CDH18: variants seen among roughly 807,000 people sequenced by gnomAD.
CDH18 encodes cadherin-18.
In CDH18, 31 loss-of-function variants were observed where a neutral mutation model predicts 67.9. The observed-to-expected ratio is 0.46, with a 90% confidence interval of 0.34 to 0.62. The LOEUF is 0.62. CDH18 is among the 20% of genes least tolerant of loss of function. The pLI, the probability that CDH18 is intolerant of heterozygous loss-of-function variation, is 0.01. For synonymous variants in CDH18, 362 were observed against 347.2 expected (o/e 1.04, Z -0.48); for missense variants, 890 against 975.5 (o/e 0.91, Z 1.17).
At chr5:20,402,836 A>G (rs1375510195) in intron 1 of CDH18, among the ~76,000 whole-genome samples, 1 of 151,988 alleles carries the variant, frequency 6.6e-6, no homozygotes, top group East Asian at 1.9e-4. Flanking sequence ...TGAACCCGTG[A>G]GGCGGAGGTT....
At chr5:19,643,533 G>C (rs1029226911) in intron 5 of CDH18, among the ~76,000 whole-genome samples, 23 of 152,108 alleles carry the variant, frequency 1.5e-4, no homozygotes, top group African/African-American at 5.3e-4. Flanking sequence ...CAATAACGTG[G>C]ATGTACTTAG....
At position 20,526,716 on chromosome 5, in the gene CDH18, CA is replaced by C. The variant is rs764253096; in HGVS notation, c.-580+48745del. ...GAAAGCAAAAACAACAACAACACAA[CA>C]TCAACAAAAATGACCCCACGAAAAT... On this transcript the variant is annotated intron_variant, in intron 1 of 14. Transcript: ENST00000507958. 9.9e-5 allele frequency among the ~76,000 whole-genome samples: 15 copies of C among 152,178 alleles called. No individual in the cohort carries two copies. In the East Asian group the frequency reaches 2.7e-3, roughly 27 times the overall value.
In CDH18 at chr5:19,660,538, G is replaced by A. The variant is rs113775163; in HGVS notation, c.644-47937C>T. Among the ~76,000 whole-genome samples the A allele has an allele frequency of 8.5e-3, 1,292 of 152,192 alleles. 10 individuals are homozygous for A. Among genetic ancestry groups the A allele is most frequent in the African/African-American group, 0.019 (788 of 41,540 alleles). ...TCAAAGCCAATGTATATTATTTACA[G>A]TTTCTTTTACTTGGTTGTGCTTAAA... On this transcript the variant is annotated intron_variant, in intron 5 of 12. Coordinates refer to ENST00000382275, the MANE Select transcript of CDH18 (RefSeq NM_004934.5).
intron 10 of CDH18, among the ~76,000 whole-genome samples, chr5:19,508,055 T>TG (rs1215113042): frequency 7.2e-6 from 1 of 139,710 alleles, no homozygotes; most frequent in Non-Finnish European, 1.6e-5. Flanking sequence ...ATCGTATTTC[T>TG]GAAAAAAAAA....
rs542818710 is a variant in CDH18 at position 20,290,487 on chromosome 5, A to G, written c.-579-34982T>C. Reference sequence around the variant, plus strand: ...ACCTAGGCTAAGTGCTGAGATCACAAAAGTGAATAAAGCATAATCCCTACC... The same window carrying G: ...ACCTAGGCTAAGTGCTGAGATCACAGAAGTGAATAAAGCATAATCCCTACC... On this transcript the variant is annotated intron_variant, in intron 1 of 14. Transcript: ENST00000507958. Among the ~76,000 whole-genome samples the G allele has an allele frequency of 4.3e-4, 66 of 152,274 alleles. 2 individuals are homozygous for G. Among genetic ancestry groups the G allele is most frequent in the Admixed American group, 4.1e-3 (63 of 15,284 alleles).
chr5:20,081,719 CACTT>C (rs1744493258), intron 2 of CDH18, among the ~76,000 whole-genome samples: 1 of 152,110 alleles, frequency 6.6e-6, no homozygotes, highest in Admixed American at 6.6e-5. Context: ...CACATGTTCT[CACTT>C]ACAAGTGGGA....
At chr5:19,717,066 A>G (rs1382789503) in intron 5 of CDH18, among the ~76,000 whole-genome samples, 1 of 152,088 alleles carries the variant, frequency 6.6e-6, no homozygotes, top group East Asian at 1.9e-4. Flanking sequence ...CATGTTAATT[A>G]TGGTCAAAAG....
chr5:20,234,746 C>T (rs930010586), intron 2 of CDH18, among the ~76,000 whole-genome samples: 1 of 152,000 alleles, frequency 6.6e-6, no homozygotes, highest in African/African-American at 2.4e-5. Context: ...TTCTGTAGAG[C>T]AACTTTAAGC....
At chr5:19,746,903 A>T in intron 4 of CDH18, 39 bp downstream of exon 4, 1 of 1,552,008 alleles carries the variant, frequency 6.4e-7, no homozygotes, top group Admixed American at 1.7e-5. Flanking sequence ...GATTTTCTTA[A>T]TATGTTAATT....
intron 2 of CDH18, among the ~76,000 whole-genome samples, chr5:20,173,661 T>C (rs1737016469): frequency 6.6e-6 from 1 of 152,134 alleles, no homozygotes; most frequent in South Asian, 2.1e-4. Flanking sequence ...AAAAAGGGCA[T>C]GAATCTTGAA....
rs778427474 is a variant in CDH18 at position 19,612,591 on chromosome 5, T to G, written c.654A>C (p.Arg218Ser). The G allele has an allele frequency of 2.5e-6, 4 of 1,611,480 alleles. No homozygotes were observed. The Admixed American group carries it at 5.0e-5, about 20-fold the overall frequency. Reference protein sequence around the residue: ...FSVDPKTGVIRTALHNMDREA... With the variant: ...FSVDPKTGVISTALHNMDREA... ...CTCTGTCCATGTTATGTAAGGCCGT[T>G]CTAATAACTCCTGTAATAGATATAT... is the stretch of plus-strand genomic sequence containing the variant. The change falls in exon 6 of 13, where the codon AGA becomes AGC. Residue 218 changes from arginine (R) to serine (S), a missense_variant. By Grantham distance (110) the Arg-to-Ser change is moderately radical. Transcript: ENST00000382275.
chr5:20,079,472 G>C (rs2150538664), intron 2 of CDH18, among the ~76,000 whole-genome samples: 1 of 152,128 alleles, frequency 6.6e-6, no homozygotes, highest in African/African-American at 2.4e-5. Flanking sequence ...ATGGATACTT[G>C]GGTTGTTTTC....
At chr5:20,458,829 C>T (rs1158178951) in intron 1 of CDH18, among the ~76,000 whole-genome samples, 1 of 152,122 alleles carries the variant, frequency 6.6e-6, no homozygotes, top group Non-Finnish European at 1.5e-5. Context: ...TTAATACAAA[C>T]ATTGTTCACT....
At chr5:20,206,068 AAGAT>A (rs1318915130) in intron 2 of CDH18, among the ~76,000 whole-genome samples, 7 of 151,878 alleles carry the variant, frequency 4.6e-5, no homozygotes, top group African/African-American at 1.7e-4. Context: ...GATTTTAAGA[AAGAT>A]AAACAACATC....
At chr5:20,379,803 C>T (rs76909628) in intron 1 of CDH18, among the ~76,000 whole-genome samples, 1 of 108,554 alleles carries the variant, frequency 9.2e-6, no homozygotes, top group Non-Finnish European at 2.2e-5. Flanking sequence ...GAAAAAAAAA[C>T]ATTAAATTAT....
chr5:19,976,139 CTGAG>C (rs1426652877), intron 2 of CDH18, among the ~76,000 whole-genome samples: 2 of 152,060 alleles, frequency 1.3e-5, no homozygotes, highest in Admixed American at 1.3e-4. Flanking sequence ...CTTTTATTAC[CTGAG>C]TGAGTGTTAA....
At chr5:20,236,859 C>A (rs1412078105) in intron 2 of CDH18, among the ~76,000 whole-genome samples, 2 of 152,006 alleles carry the variant, frequency 1.3e-5, no homozygotes, top group East Asian at 3.9e-4. Flanking sequence ...ACAAATATAT[C>A]ACCAGACACA....
intron 1 of CDH18, among the ~76,000 whole-genome samples, chr5:20,345,484 G>GT (rs1405645485): frequency 2.0e-5 from 3 of 151,854 alleles, no homozygotes. Context: ...TTTTATTCCT[G>GT]TTTTTTCCCT....
chr5:20,307,760 GATT>G (rs140877072), intron 1 of CDH18, among the ~76,000 whole-genome samples: 8,160 of 152,104 alleles, frequency 0.054, 692 homozygotes, highest in African/African-American at 0.18. Context: ...ATTATTGTGT[GATT>G]ATTATTAAAA....
Sources: gnomAD v4.1 joint callset for allele counts (sites outside exome capture counted in the v4.1 genomes callset) on GRCh38, gnomAD v4.1.1 for gene constraint, MANE v1.5 for transcripts, NCBI Gene and HGNC (gene_info 2026-07-23, HGNC 2026-07-21) for gene names.